The following SELENOW variants were observed in gnomAD, a reference collection of about 807,000 sequenced individuals.
SELENOW encodes selenoprotein W, 1.
In SELENOW, 20 loss-of-function variants were observed where a neutral mutation model predicts 16.6. The ratio of observed to expected loss-of-function variants is 1.21; its 90% confidence interval spans 0.85 to 1.76. The LOEUF (loss-of-function observed/expected upper bound fraction) is 1.76. SELENOW is among the 40% of genes most tolerant of loss of function. The probability of loss-of-function intolerance (pLI) is 0.00; values close to 1 mark genes in which losing one functional copy is unlikely to be tolerated. For synonymous variants in SELENOW, 44 were observed against 46.2 expected, an observed-to-expected ratio of 0.95 and a Z score of 0.19; for missense variants, 124 against 111.0, an observed-to-expected ratio of 1.12 and a Z score of -0.53.
At chr19:47,781,447 C>G in intron 5 of SELENOW, 59 bp downstream of exon 5, 3 of 958,634 alleles carry the variant, frequency 3.1e-6, no homozygotes, top group Non-Finnish European at 4.9e-6. Flanking sequence ...GCCCCATGCT[C>G]TGACTCCTTG....
intron 1 of SELENOW, chr19:47,779,942 G>T: frequency 7.1e-6 from 2 of 280,960 alleles, no homozygotes; most frequent in Middle Eastern, 4.9e-4. Context: ...ACTGGAACCT[G>T]GGTTTGTCGG....
chr19:47,780,111 A>G (rs1177479266), intron 1 of SELENOW: 1 of 455,974 alleles, frequency 2.2e-6, no homozygotes, highest in Admixed American at 2.4e-5. Context: ...GGTGTTCAGA[A>G]TCTAGGAGCT....
chr19:47,778,981 G>T, intron 1 of SELENOW, 167 bp downstream of exon 1: 1 of 628,864 alleles, frequency 1.6e-6, no homozygotes, highest in Non-Finnish European at 2.7e-6. Context: ...AAAACAGAGG[G>T]CGGTCGTCCC....
chr19:47,782,642 G>GCAATTCTC (rs1049459932), intron 5 of SELENOW: 2 of 152,018 alleles, frequency 1.3e-5, no homozygotes, highest in African/African-American at 4.8e-5. Flanking sequence ...CCGAGTTCAA[G>GCAATTCTC]CAATTCTCCT....
intron 5 of SELENOW, chr19:47,783,572 A>G (rs1967500099): frequency 6.6e-6 from 1 of 152,204 alleles, no homozygotes; most frequent in Admixed American, 6.6e-5. Context: ...AGAGTATCCC[A>G]TCCCAACACA....
chr19:47,780,286 T>C lies in SELENOW; in HGVS notation c.30-439T>C, dbSNP rs536787603. 5 of 368,384 alleles carry C rather than the reference T, an allele frequency of 1.4e-5. No homozygotes were observed. In the Admixed American group the frequency reaches 1.7e-4, roughly 12 times the overall value. 22.8% of individuals were successfully genotyped at this position (368,384 alleles called of 1,614,324 possible). On this transcript the variant is annotated intron_variant, in intron 1 of 5. Transcript: ENST00000601048. ...GAATCCAGGAGCCGCAGGGTTTTCC[T>C]TGGAGTGCTGCGAGGGCTGTGGGTG...
chr19:47,779,459 A>G (rs1048010212), intron 1 of SELENOW: 2 of 152,646 alleles, frequency 1.3e-5, no homozygotes, highest in African/African-American at 4.8e-5. Flanking sequence ...TGCTGTAGGT[A>G]TTTAATAAAT....
intron 1 of SELENOW, chr19:47,780,206 G>A (rs1336204869): frequency 7.3e-6 from 3 of 413,736 alleles, no homozygotes; most frequent in Non-Finnish European, 1.5e-5. Context: ...TTAGGAGTTC[G>A]AGACCAGCCT....
At chr19:47,781,787 CAG>C (rs1404327175) in intron 5 of SELENOW, among the ~76,000 whole-genome samples, 3 of 148,528 alleles carry the variant, frequency 2.0e-5, no homozygotes, top group Non-Finnish European at 4.4e-5. Context: ...GCTGATGAGT[CAG>C]AGGTGTGCAG....
chr19:47,779,272 G>A (rs1967444532), intron 1 of SELENOW: 1 of 159,414 alleles, frequency 6.3e-6, no homozygotes, highest in South Asian at 1.9e-4. Flanking sequence ...CTGCCCAGTG[G>A]GTTCCCTTGG....
In SELENOW at chr19:47,778,839, C is replaced by G. The variant is rs775848750; in HGVS notation, c.29+25C>G. ...GGTAAGCCCAGCGGCCAGCGGCCCCCGTCCCCGACCCCCGCCGGGACCCGA... is the reference window on the plus strand; with the variant it reads ...GGTAAGCCCAGCGGCCAGCGGCCCCGGTCCCCGACCCCCGCCGGGACCCGA... On this transcript the variant is annotated intron_variant, in intron 1 of 5. Coordinates refer to ENST00000601048, the MANE Select transcript of SELENOW (RefSeq NM_003009.4). The G allele has an allele frequency of 1.4e-5, 23 of 1,595,234 alleles. No individual in the cohort carries two copies. The Admixed American group carries it at 2.4e-4, about 17-fold the overall frequency.
rs1483774955 is a variant in SELENOW at position 47,778,826 on chromosome 19, G to A, written c.29+12G>A. On this transcript the variant is annotated intron_variant, in intron 1 of 5. Transcript: ENST00000601048. ...CGAGTCGTTTATTGGTAAGCCCAGCGGCCAGCGGCCCCCGTCCCCGACCCC... is the reference window on the plus strand; with the variant it reads ...CGAGTCGTTTATTGGTAAGCCCAGCAGCCAGCGGCCCCCGTCCCCGACCCC... 1.9e-6 allele frequency: 3 copies of A among 1,601,098 alleles called. No individual in the cohort carries two copies.
chr19:47,780,129 C>T (rs952243525), intron 1 of SELENOW: 1 of 455,478 alleles, frequency 2.2e-6, no homozygotes, highest in Non-Finnish European at 4.4e-6. Flanking sequence ...GCTGCGGGGC[C>T]GGGTGCGGTG....
intron 5 of SELENOW, chr19:47,782,514 CT>C (rs1475997487): frequency 2.0e-5 from 3 of 151,754 alleles, no homozygotes; most frequent in Non-Finnish European, 4.4e-5. Context: ...GAGTTGGCTA[CT>C]GGTTCCTTAT....
chr19:47,780,495 T>C (rs984228992), intron 1 of SELENOW: 10 of 579,112 alleles, frequency 1.7e-5, no homozygotes, highest in Non-Finnish European at 3.1e-5. Context: ...TGTCTCTGTG[T>C]GTCCCCGCGC....
At chr19:47,780,840 T>G in intron 2 of SELENOW, 24 bp from the exon 3 acceptor site, 1 of 1,611,720 alleles carries the variant, frequency 6.2e-7, no homozygotes, top group Non-Finnish European at 8.5e-7. Flanking sequence ...TGACCCCTGC[T>G]GTGACCTCTC....
At chr19:47,781,608 T>G (rs1284195295) in intron 5 of SELENOW, 1 of 578,468 alleles carries the variant, frequency 1.7e-6, no homozygotes, top group East Asian at 2.9e-5. Context: ...GGGTCAGAGA[T>G]ATGCAGGATG....
At position 47,781,085 on chromosome 19, in the gene SELENOW, TCTCCC is replaced by T; in HGVS notation, c.109-20_109-16del. 6.2e-7 allele frequency: 1 copy of T among 1,609,916 alleles called. No homozygotes were observed. On this transcript the variant is annotated intron_variant, in intron 3 of 5. Coordinates refer to ENST00000601048, the MANE Select transcript of SELENOW (RefSeq NM_003009.4). ...AGAGGACATCTTAGCCCCTCCAACATCTCCCCTACCCCCTTTCCTCAGTGCGGCGA... is the reference window on the plus strand; with the variant it reads ...AGAGGACATCTTAGCCCCTCCAACATCTACCCCCTTTCCTCAGTGCGGCGA...
At chr19:47,779,008 C>T (rs1234698313) in intron 1 of SELENOW, 194 bp downstream of exon 1, 2 of 563,594 alleles carry the variant, frequency 3.5e-6, no homozygotes, top group South Asian at 4.4e-5. Context: ...CCGTCTTCGA[C>T]TTGTGACACG....
Sources: gnomAD v4.1 joint callset for allele counts (sites outside exome capture counted in the v4.1 genomes callset) on GRCh38, gnomAD v4.1.1 for gene constraint, MANE v1.5 for transcripts, NCBI Gene and HGNC (gene_info 2026-07-23, HGNC 2026-07-21) for gene names.